FBXO22: variants seen among roughly 807,000 people sequenced by gnomAD.
FBXO22 encodes the protein F-box only protein 22.
FBXO22 carries 13 observed loss-of-function variants against 37.2 expected under a neutral mutation model. The observed-to-expected ratio is 0.35, with a 90% CI of 0.23 to 0.56. The LOEUF (loss-of-function observed/expected upper bound fraction) is 0.56, where lower values mean the gene tolerates loss of function less well. Among genes scored for constraint, FBXO22 ranks in the 20% least tolerant of loss-of-function variants. FBXO22 has a pLI of 0.87. For missense variants in FBXO22, 446 were observed against 509.9 expected (o/e 0.87, Z 1.21); for synonymous variants, 189 against 189.1 (o/e 1.00, Z 0.00).
In FBXO22 at chr15:75,937,070, T is replaced by C. The variant is rs2030415712; in HGVS notation, c.*3968T>C. On this transcript the variant is annotated 3_prime_UTR_variant, in exon 7 of 7. Transcript: ENST00000308275. ...CATTTTTCTAATTATGACTAAAATT[T>C]AATCACTATACTTAATAAACATACT... 6.6e-6 allele frequency: 1 copy of C among 152,094 alleles called. No homozygotes were observed. Among genetic ancestry groups the C allele is most frequent in the Non-Finnish European group, 1.5e-5 (1 of 68,022 alleles). 9.4% of individuals were successfully genotyped at this position (152,094 alleles called of 1,614,324 possible). A position where few individuals can be genotyped will look rare whatever the true frequency, so the allele number is the denominator to read the frequency against.
chr15:75,939,871 G>A lies in FBXO22; in HGVS notation c.*6769G>A, dbSNP rs2030756702. ...ACACTCAACAAATGAGGGATAAGAG[G>A]AAACTACCTGAACATAATAAAAGCC... On this transcript the variant is annotated 3_prime_UTR_variant, in exon 7 of 7. Transcript: ENST00000308275. 6.6e-6 allele frequency: 1 copy of A among 152,010 alleles called. No homozygotes were observed. The highest frequency in any genetic ancestry group is 1.5e-5 in the Non-Finnish European group (1 of 67,970). 9.4% of individuals were successfully genotyped at this position (152,010 alleles called of 1,614,324 possible). A position where few individuals can be genotyped will look rare whatever the true frequency, so the allele number is the denominator to read the frequency against.
At chr15:75,916,849 T>A (rs1900201049) in intron 4 of FBXO22, among the ~76,000 whole-genome samples, 1 of 38,762 alleles carries the variant, frequency 2.6e-5, no homozygotes. Context: ...TTGTCAAATA[T>A]TTTTAGGGTA....
intron 3 of FBXO22, 137 bp downstream of exon 3, chr15:75,913,427 T>G: frequency 1.8e-6 from 1 of 558,286 alleles, no homozygotes; most frequent in East Asian, 3.0e-5. Context: ...TGCATCAATA[T>G]ATCTATCTTT....
rs895752187 is a variant in FBXO22, at chr15:75,937,062, C to G, written c.*3960C>G. ...ACCATTGACATTTTTCTAATTATGA[C>G]TAAAATTTAATCACTATACTTAATA... On this transcript the variant is annotated 3_prime_UTR_variant, in exon 7 of 7. Transcript: ENST00000308275. 1 of 152,002 alleles carries G rather than the reference C, an allele frequency of 6.6e-6. No individual in the cohort carries two copies. The highest frequency in any genetic ancestry group is 1.5e-5 in the Non-Finnish European group (1 of 68,012). 9.4% of individuals were successfully genotyped at this position (152,002 alleles called of 1,614,324 possible).
intron 3 of FBXO22, among the ~76,000 whole-genome samples, 179 bp downstream of exon 3, chr15:75,913,469 G>T (rs1900114741): frequency 6.6e-6 from 1 of 152,100 alleles, no homozygotes; most frequent in Non-Finnish European, 1.5e-5. Context: ...GCTTCAGATT[G>T]ATTTCTAAAC....
chr15:75,930,098 C>T (rs1056887312), intron 6 of FBXO22, 49 bp downstream of exon 6: 7 of 1,611,388 alleles, frequency 4.3e-6, no homozygotes, highest in Non-Finnish European at 5.9e-6. Flanking sequence ...GGGAAATGGT[C>T]TCAGGTTTTG....
chr15:75,917,578 AGAATT>A (rs1249872974), intron 5 of FBXO22, among the ~76,000 whole-genome samples, 184 bp downstream of exon 5: 1 of 152,226 alleles, frequency 6.6e-6, no homozygotes. Context: ...CATGTTTGGT[AGAATT>A]GATTTACTTT....
intron 2 of FBXO22, among the ~76,000 whole-genome samples, chr15:75,909,031 G>T (rs1276758519): frequency 2.6e-5 from 4 of 152,086 alleles, no homozygotes; most frequent in Admixed American, 2.6e-4. Flanking sequence ...ATGAGGCTTT[G>T]CTATATCCTA....
At position 75,939,980 on chromosome 15, in the gene FBXO22, C is replaced by G. The variant is rs1403351396; in HGVS notation, c.*6878C>G. The G allele has an allele frequency of 1.3e-5, 2 of 152,036 alleles. No individual in the cohort carries two copies. The highest frequency in any genetic ancestry group is 2.9e-5 in the Non-Finnish European group (2 of 67,968). 9.4% of individuals were successfully genotyped at this position (152,036 alleles called of 1,614,324 possible). A position where few individuals can be genotyped will look rare whatever the true frequency, so the allele number is the denominator to read the frequency against. On this transcript the variant is annotated 3_prime_UTR_variant, in exon 7 of 7. Coordinates refer to ENST00000308275, the MANE Select transcript of FBXO22 (RefSeq NM_147188.3). ...TCAAGACAATGCTCATTTCACCATT[C>G]CTATTCAACACAGTACTAGGAGTTC...
chr15:75,904,853 T>C (rs1037074348), intron 2 of FBXO22, among the ~76,000 whole-genome samples: 2 of 144,110 alleles, frequency 1.4e-5, no homozygotes, highest in Non-Finnish European at 3.0e-5. Context: ...AGACGTAGTC[T>C]CGCTCTGTGG....
At chr15:75,930,365 A>G (rs2029969647) in intron 6 of FBXO22, 1 of 1,232,122 alleles carries the variant, frequency 8.1e-7, no homozygotes, top group South Asian at 2.1e-5. Flanking sequence ...CCTCCTTTCT[A>G]GTTTCCTCCT....
chr15:75,907,650 C>T (rs1253714690), intron 2 of FBXO22, among the ~76,000 whole-genome samples: 1 of 152,074 alleles, frequency 6.6e-6, no homozygotes, highest in East Asian at 1.9e-4. Flanking sequence ...AATCCCAGCA[C>T]TTTGGAAAGC....
intron 5 of FBXO22, among the ~76,000 whole-genome samples, chr15:75,926,258 C>G (rs144572221): frequency 2.4e-4 from 37 of 152,240 alleles, no homozygotes; most frequent in African/African-American, 7.7e-4. Flanking sequence ...TGGGGGGAAC[C>G]CAGAACCTTT....
chr15:75,917,150 A>G (rs892315251), intron 4 of FBXO22, 80 bp from the exon 5 acceptor site: 19 of 1,017,954 alleles, frequency 1.9e-5, no homozygotes, highest in Non-Finnish European at 2.3e-5. Flanking sequence ...TGTTAGCTTA[A>G]TGATTATCTT....
Position 75,932,807 on chromosome 15 carries a change from T to TA in FBXO22, c.917_918insA (p.Met306IlefsTer13). The TA allele has an allele frequency of 6.2e-7, 1 of 1,614,282 alleles. No homozygotes were observed. Among genetic ancestry groups the TA allele is most frequent in the Non-Finnish European group, 8.5e-7 (1 of 1,180,044 alleles). On this transcript the variant is annotated frameshift_variant, in exon 7 of 7. Transcript: ENST00000308275. LOFTEE classifies it high-confidence loss of function. ...GATGAGAAGACTGCTGAGGCTGCGATGCAGCGCCTCAAAGCGGCCAACATT... is the reference window on the plus strand; with the variant it reads ...GATGAGAAGACTGCTGAGGCTGCGATAGCAGCGCCTCAAAGCGGCCAACATT...
At position 75,914,143 on chromosome 15, in the gene FBXO22, C is replaced by G; in HGVS notation, c.401C>G (p.Ala134Gly). 6.2e-7 allele frequency: 1 copy of G among 1,613,592 alleles called. No individual in the cohort carries two copies. Among genetic ancestry groups the G allele is most frequent in the Non-Finnish European group, 8.5e-7 (1 of 1,179,720 alleles). ...RKRTSMETALALEKLFPKQCQ... is the reference protein window; with the variant it reads ...RKRTSMETALGLEKLFPKQCQ... ...AGAACTAGTATGGAAACAGCACTTG[C>G]CCTTGAGAAGCTATTCCCCAAACAA... Residue 134 changes from alanine (A) to glycine (G), a missense_variant, in exon 4 of 7, where the codon GCC becomes GGC. Transcript: ENST00000308275.
intron 3 of FBXO22, 23 bp downstream of exon 3, chr15:75,913,313 T>C (rs1329700177): frequency 6.6e-7 from 1 of 1,516,620 alleles, no homozygotes; most frequent in Admixed American, 1.7e-5. Flanking sequence ...AGAAAAGCTT[T>C]TGCTTCTGTT....
At chr15:75,923,384 A>G (rs1347488518) in intron 5 of FBXO22, among the ~76,000 whole-genome samples, 1 of 152,218 alleles carries the variant, frequency 6.6e-6, no homozygotes, top group Admixed American at 6.5e-5. Flanking sequence ...GGCTTATTCC[A>G]AGGCATCATT....
Position 75,938,952 on chromosome 15 carries a change from T to G in FBXO22, c.*5850T>G, listed in dbSNP as rs553976514. 5.3e-5 allele frequency: 8 copies of G among 152,108 alleles called. No individual in the cohort carries two copies. In the East Asian group the frequency reaches 1.5e-3, roughly 29 times the overall value. 9.4% of individuals were successfully genotyped at this position (152,108 alleles called of 1,614,324 possible). On this transcript the variant is annotated 3_prime_UTR_variant, in exon 7 of 7. Coordinates refer to ENST00000308275, the MANE Select transcript of FBXO22 (RefSeq NM_147188.3). ...ACATACCAAAATTTATAGGATGCAG[T>G]GAAAGCACTGCTAAAAGGGAAATTT... is the stretch of plus-strand genomic sequence containing the variant.
Sources: gnomAD v4.1 joint callset for allele counts (sites outside exome capture counted in the v4.1 genomes callset) on GRCh38, gnomAD v4.1.1 for gene constraint, MANE v1.5 for transcripts, NCBI Gene and HGNC (gene_info 2026-07-23, HGNC 2026-07-21) for gene names.